Variants in ZBTB7C observed in about 807,000 individuals in gnomAD.
The protein encoded by ZBTB7C is zinc finger and BTB domain containing 7C.
ZBTB7C carries 8 observed loss-of-function variants against 25.7 expected under a neutral mutation model. That is an observed-to-expected ratio of 0.31 (90% confidence interval 0.18 to 0.56). The LOEUF (loss-of-function observed/expected upper bound fraction) is 0.56, where lower values mean the gene tolerates loss of function less well. Ranked by LOEUF, ZBTB7C falls within the 20% of genes least tolerant of loss-of-function variation. The pLI is 0.91. For synonymous variants in ZBTB7C, 394 were observed against 369.0 expected, an observed-to-expected ratio of 1.07 and a Z score of -0.78; for missense variants, 824 against 855.2, an observed-to-expected ratio of 0.96 and a Z score of 0.46.
chr18:48,118,864 T>C (rs1040108782), intron 3 of ZBTB7C, among the ~76,000 whole-genome samples: 24 of 152,326 alleles, frequency 1.6e-4, no homozygotes, highest in African/African-American at 5.8e-4. Context: ...ACAATATCAA[T>C]TGGAGTTCTT....
intron 3 of ZBTB7C, among the ~76,000 whole-genome samples, chr18:48,121,099 C>T (rs540424271): frequency 1.3e-5 from 2 of 152,358 alleles, no homozygotes; most frequent in African/African-American, 4.8e-5. Flanking sequence ...AGAGCCATGC[C>T]CATGAGCACT....
At chr18:48,259,265 T>C (rs2044103065) in intron 2 of ZBTB7C, among the ~76,000 whole-genome samples, 1 of 125,930 alleles carries the variant, frequency 7.9e-6, no homozygotes, top group Non-Finnish European at 1.6e-5. Context: ...CAAATGATTT[T>C]TGACAAGAGT....
chr18:48,399,330 C>A (rs1380846013), intron 1 of ZBTB7C, among the ~76,000 whole-genome samples: 1 of 152,152 alleles, frequency 6.6e-6, no homozygotes, highest in African/African-American at 2.4e-5. Context: ...GAATTTTAAA[C>A]CATGGAGGTG....
At chr18:48,183,244 T>C (rs1227454138) in intron 3 of ZBTB7C, among the ~76,000 whole-genome samples, 1 of 152,196 alleles carries the variant, frequency 6.6e-6, no homozygotes, top group Non-Finnish European at 1.5e-5. Flanking sequence ...GGTGGCACCT[T>C]TCTATACTGC....
At chr18:48,122,904 T>C (rs2039678012) in intron 3 of ZBTB7C, among the ~76,000 whole-genome samples, 1 of 152,198 alleles carries the variant, frequency 6.6e-6, no homozygotes, top group Non-Finnish European at 1.5e-5. Flanking sequence ...GCATGCACTC[T>C]AACCGCCCCC....
chr18:48,376,608 G>C (rs893314946), intron 1 of ZBTB7C, among the ~76,000 whole-genome samples: 6 of 152,220 alleles, frequency 3.9e-5, no homozygotes, highest in Non-Finnish European at 7.4e-5. Context: ...TCCTGCCTGG[G>C]GTGGACGGCA....
chr18:48,220,738 T>G (rs117880545), intron 2 of ZBTB7C, among the ~76,000 whole-genome samples: 2,408 of 152,230 alleles, frequency 0.016, 33 homozygotes, highest in Non-Finnish European at 0.025. Flanking sequence ...GTGCTTTACA[T>G]ATGTCAACTC....
In ZBTB7C at chr18:48,026,916, G is replaced by C. The variant is rs1308460493; in HGVS notation, c.*2344C>G. On this transcript the variant is annotated 3_prime_UTR_variant, in exon 5 of 5. Transcript: ENST00000590800. Reference sequence around the variant, plus strand: ...TCAATTAATACTGTTTAATAAATAGGCCAGAAAATTAGCTGAGAGTTTTTC... The same window carrying C: ...TCAATTAATACTGTTTAATAAATAGCCCAGAAAATTAGCTGAGAGTTTTTC... 6.6e-6 allele frequency: 1 copy of C among 151,530 alleles called. No homozygotes were observed. Among genetic ancestry groups the C allele is most frequent in the Non-Finnish European group, 1.5e-5 (1 of 67,930 alleles). The allele number at this position is 151,530 out of a possible 1,614,324, so 9.4% of individuals were successfully genotyped here.
At chr18:48,220,538 G>A (rs1246100988) in intron 2 of ZBTB7C, among the ~76,000 whole-genome samples, 2 of 152,166 alleles carry the variant, frequency 1.3e-5, no homozygotes, top group African/African-American at 4.8e-5. Context: ...AGACCATGGA[G>A]CTCAAATTTT....
rs113513101 is a variant in ZBTB7C, at chr18:48,128,423, G to A, written c.-17+57511C>T. 2.3e-3 allele frequency among the ~76,000 whole-genome samples: 344 copies of A among 152,278 alleles called. 4 individuals are homozygous for A. Among genetic ancestry groups the A allele is most frequent in the African/African-American group, 6.7e-3 (279 of 41,552 alleles). The stretch of plus-strand genomic sequence containing the variant: ...CCATCATTAGAAATGTCTGCTGGCC[G>A]GTTCACAATTGTAAAGATATGGAAC... On this transcript the variant is annotated intron_variant, in intron 3 of 4. Coordinates refer to ENST00000590800, the MANE Select transcript of ZBTB7C (RefSeq NM_001318841.2).
At chr18:48,171,827 G>C (rs560674786) in intron 3 of ZBTB7C, among the ~76,000 whole-genome samples, 1 of 152,360 alleles carries the variant, frequency 6.6e-6, no homozygotes, top group South Asian at 2.1e-4. Flanking sequence ...CTATTGAATG[G>C]ATGAGAAAAT....
intron 2 of ZBTB7C, among the ~76,000 whole-genome samples, chr18:48,215,622 A>G (rs544065354): frequency 6.6e-6 from 1 of 152,212 alleles, no homozygotes; most frequent in Non-Finnish European, 1.5e-5. Flanking sequence ...AGGGGCTGTC[A>G]AGACTAAAGT....
intron 3 of ZBTB7C, among the ~76,000 whole-genome samples, chr18:48,130,154 T>G: frequency 6.6e-6 from 1 of 152,324 alleles, no homozygotes; most frequent in East Asian, 1.9e-4. Flanking sequence ...CAAGGAGCCC[T>G]GAAATTGTAC....
At chr18:48,279,939 G>T (rs2044782250) in intron 2 of ZBTB7C, among the ~76,000 whole-genome samples, 1 of 152,222 alleles carries the variant, frequency 6.6e-6, no homozygotes, top group Non-Finnish European at 1.5e-5. Context: ...CATTCAAAAG[G>T]GGTTGGTAGG....
intron 1 of ZBTB7C, among the ~76,000 whole-genome samples, chr18:48,367,196 T>C (rs868008283): frequency 1.7e-5 from 1 of 57,474 alleles, no homozygotes; most frequent in African/African-American, 6.7e-5. Flanking sequence ...TATATATATA[T>C]ATATATACAC....
At chr18:48,301,201 A>T (rs2045534755) in intron 2 of ZBTB7C, among the ~76,000 whole-genome samples, 1 of 152,228 alleles carries the variant, frequency 6.6e-6, no homozygotes, top group Non-Finnish European at 1.5e-5. Context: ...AAAAGGAGCC[A>T]GAGTAAAAAG....
chr18:48,148,191 T>C (rs2040558672), intron 3 of ZBTB7C: 1 of 143,964 alleles, frequency 6.9e-6, no homozygotes, highest in Non-Finnish European at 1.5e-5. Flanking sequence ...CATTTTTCAG[T>C]AGAGATGGGG....
At chr18:48,408,347 G>A (rs1194886817) in intron 1 of ZBTB7C, 1 of 152,340 alleles carries the variant, frequency 6.6e-6, no homozygotes, top group Non-Finnish European at 1.5e-5. Flanking sequence ...CGGAGCAAGA[G>A]ACGTACACAC....
intron 3 of ZBTB7C, among the ~76,000 whole-genome samples, chr18:48,137,561 C>A (rs2040213903): frequency 6.6e-6 from 1 of 152,194 alleles, no homozygotes; most frequent in Non-Finnish European, 1.5e-5. Flanking sequence ...GAAACCTAAG[C>A]CCAATAAAAT....
Sources: allele counts gnomAD v4.1 joint callset (sites outside exome capture counted in the v4.1 genomes callset), GRCh38; gene constraint gnomAD v4.1.1; transcripts MANE v1.5; gene names NCBI Gene and HGNC (gene_info 2026-07-23, HGNC 2026-07-21).